APBB2: variants seen among roughly 807,000 people sequenced by gnomAD.
APBB2 encodes Fe65-like 1.
Under a neutral mutation model 82.5 loss-of-function variants are expected in APBB2, and 38 were observed. The ratio of observed to expected loss-of-function variants is 0.46; its 90% CI spans 0.36 to 0.60. The LOEUF is 0.60. APBB2 is among the 20% of genes least tolerant of loss of function. APBB2 has a pLI of 0.00. For synonymous variants in APBB2, 341 were observed against 368.2 expected (o/e 0.93, Z 0.85); for missense variants, 772 against 972.3 (o/e 0.79, Z 2.74).
intron 1 of APBB2, among the ~76,000 whole-genome samples, chr4:41,195,109 C>T: frequency 6.6e-6 from 1 of 152,152 alleles, no homozygotes; most frequent in Non-Finnish European, 1.5e-5. Context: ...TAAGTCTTCT[C>T]CGTCTTCACC....
intron 7 of APBB2, among the ~76,000 whole-genome samples, chr4:40,941,061 A>C (rs1398263878): frequency 1.3e-5 from 2 of 152,136 alleles, no homozygotes; most frequent in Non-Finnish European, 2.9e-5. Context: ...GAAATGTAAA[A>C]TTTTCAAACT....
intron 7 of APBB2, among the ~76,000 whole-genome samples, chr4:40,942,006 G>T (rs912304976): frequency 6.6e-6 from 1 of 152,278 alleles, no homozygotes; most frequent in African/African-American, 2.4e-5. Context: ...ATTTCTCTTA[G>T]TGCCTCTGGT....
rs974062243 is a variant in APBB2, at chr4:41,127,737, T to C, written c.-261+15250A>G. 1.3e-5 allele frequency among the ~76,000 whole-genome samples: 2 copies of C among 152,056 alleles called. No homozygotes were observed. The highest frequency in any genetic ancestry group is 4.8e-5 in the African/African-American group (2 of 41,402). ...GGGTCATGCCTGTAATCCCAGCACT[T>C]TGGGAGGCCGAGGTGGGTGGATTAC... On this transcript the variant is annotated intron_variant, in intron 2 of 17. Coordinates refer to ENST00000508593, the MANE Select transcript of APBB2 (RefSeq NM_004307.2). This position sits in a 1 kb window ranked among gnomAD's most constrained non-coding sequence, Gnocchi z 4.8.
Position 41,055,874 on chromosome 4 carries a change from A to C in APBB2, c.-51+9702T>G, listed in dbSNP as rs140136544. Reference sequence around the variant, plus strand: ...AAGTGCTCAGAACAGTGTCTATGTAAGTGGCTAATAACTTAATGGTAATAA... The same window carrying C: ...AAGTGCTCAGAACAGTGTCTATGTACGTGGCTAATAACTTAATGGTAATAA... On this transcript the variant is annotated intron_variant, in intron 4 of 17. Transcript: ENST00000508593. Among the ~76,000 whole-genome samples the C allele has an allele frequency of 5.3e-4, 80 of 152,360 alleles. 1 individual carries two copies. The highest frequency in any genetic ancestry group is 1.8e-3 in the African/African-American group (73 of 41,582).
At position 40,847,469 on chromosome 4, in the gene APBB2, AAAC is replaced by A. The variant is rs1343134505; in HGVS notation, c.1530-16895_1530-16893del. On this transcript the variant is annotated intron_variant, in intron 12 of 17. Coordinates refer to ENST00000508593, the MANE Select transcript of APBB2 (RefSeq NM_004307.2). ...AGAGCAAGACCGTCTCAAAAAAATAAAACAACACGAAACACCTTGACACCAGAA... is the reference window on the plus strand; with the variant it reads ...AGAGCAAGACCGTCTCAAAAAAATAAAACACGAAACACCTTGACACCAGAA... Among the ~76,000 whole-genome samples the A allele has an allele frequency of 3.3e-5, 5 of 152,320 alleles. No individual in the cohort carries two copies. In the East Asian group the frequency reaches 9.6e-4, roughly 29 times the overall value.
At chr4:41,041,787 A>G (rs1721599298) in intron 4 of APBB2, among the ~76,000 whole-genome samples, 1 of 152,212 alleles carries the variant, frequency 6.6e-6, no homozygotes, top group African/African-American at 2.4e-5. Context: ...AACAAAGAAA[A>G]ATATGCACAG....
chr4:40,881,430 CAA>C, intron 12 of APBB2: 8 of 957,346 alleles, frequency 8.4e-6, no homozygotes, highest in Non-Finnish European at 9.9e-6. Flanking sequence ...GGAAAAAAAA[CAA>C]TGACCAAGAA....
At chr4:41,209,414 C>T (rs752000922) in intron 1 of APBB2, among the ~76,000 whole-genome samples, 14 of 152,246 alleles carry the variant, frequency 9.2e-5, no homozygotes, top group Non-Finnish European at 1.6e-4. Context: ...ACTCCTGCTA[C>T]TGCAGCAGCC....
At chr4:41,060,663 G>A (rs1332160688) in intron 4 of APBB2, among the ~76,000 whole-genome samples, 1 of 152,150 alleles carries the variant, frequency 6.6e-6, no homozygotes, top group Non-Finnish European at 1.5e-5. Flanking sequence ...AGCATCAAGA[G>A]GGAGATTTAA....
intron 10 of APBB2, among the ~76,000 whole-genome samples, chr4:40,901,356 C>T (rs1279410980): frequency 1.3e-5 from 2 of 150,486 alleles, no homozygotes; most frequent in Admixed American, 6.7e-5. Flanking sequence ...CTATGCCAAT[C>T]TAGTTTTGTT....
At chr4:41,008,716 C>T (rs1807485365) in intron 6 of APBB2, among the ~76,000 whole-genome samples, 1 of 152,354 alleles carries the variant, frequency 6.6e-6, no homozygotes, top group East Asian at 1.9e-4. Flanking sequence ...GATGCTCTCG[C>T]TTAATCTTCA....
chr4:41,137,405 T>C (rs192808072), intron 2 of APBB2, among the ~76,000 whole-genome samples: 1 of 152,330 alleles, frequency 6.6e-6, no homozygotes, highest in African/African-American at 2.4e-5. Flanking sequence ...GTCATATATA[T>C]AGTAATCTGG....
Position 40,961,667 on chromosome 4 carries a change from T to TAAAAAAAAAAAAAAAAAAAAAAAAAAAAA in APBB2, c.836-16623_836-16595dup, listed in dbSNP as rs60942744. On this transcript the variant is annotated intron_variant, in intron 6 of 17. Coordinates refer to ENST00000508593, the MANE Select transcript of APBB2 (RefSeq NM_004307.2). ...AATAATGAAAGAAAAAAAAAAGATGTAAAAAAAAAAAAAAAAAAAAAAAAA... is the reference window on the plus strand; with the variant it reads ...AATAATGAAAGAAAAAAAAAAGATGTAAAAAAAAAAAAAAAAAAAAAAAAAAAAAAAAAAAAAAAAAAAAAAAAAAAAAA... Among the ~76,000 whole-genome samples, 17 of 68,248 alleles carry TAAAAAAAAAAAAAAAAAAAAAAAAAAAAA rather than the reference T, an allele frequency of 2.5e-4. 1 individual carries two copies. Among genetic ancestry groups the TAAAAAAAAAAAAAAAAAAAAAAAAAAAAA allele is most frequent in the East Asian group, 5.4e-4 (1 of 1,864 alleles). 44.8% of individuals were successfully genotyped at this position (68,248 alleles called of 152,430 possible). A position where few individuals can be genotyped will look rare whatever the true frequency, so the allele number is the denominator to read the frequency against.
intron 3 of APBB2, among the ~76,000 whole-genome samples, chr4:41,087,178 A>C (rs1214106935): frequency 2.6e-5 from 4 of 152,202 alleles, no homozygotes; most frequent in Non-Finnish European, 5.9e-5. Context: ...CATAAAAATG[A>C]ATGGAAAGAC....
At chr4:41,149,159 C>G (rs557720865) in intron 1 of APBB2, among the ~76,000 whole-genome samples, 1 of 152,214 alleles carries the variant, frequency 6.6e-6, no homozygotes, top group East Asian at 1.9e-4. Flanking sequence ...CACTCCCCAA[C>G]ACTTTTTTTT....
At chr4:40,851,416 A>T (rs926285803) in intron 12 of APBB2, among the ~76,000 whole-genome samples, 12 of 152,162 alleles carry the variant, frequency 7.9e-5, no homozygotes, top group African/African-American at 2.9e-4. Flanking sequence ...ACAGTGTTTT[A>T]AAAGGGAGGG....
intron 12 of APBB2, among the ~76,000 whole-genome samples, chr4:40,831,491 C>A (rs930707578): frequency 6.6e-6 from 1 of 152,120 alleles, no homozygotes; most frequent in Non-Finnish European, 1.5e-5. Flanking sequence ...CTGAATTTCA[C>A]AGAACCCTTC....
chr4:40,823,601 C>G (rs149709080), intron 16 of APBB2, 43 bp downstream of exon 16: 92 of 1,336,354 alleles, frequency 6.9e-5, no homozygotes, highest in Non-Finnish European at 9.1e-5. Context: ...ATCTTATACT[C>G]ACTGTATAAG....
At chr4:41,160,038 A>ACG (rs1764727685) in intron 1 of APBB2, among the ~76,000 whole-genome samples, 1 of 123,136 alleles carries the variant, frequency 8.1e-6, no homozygotes, top group African/African-American at 3.5e-5. Context: ...AGAAGAAGAA[A>ACG]ACATCACAGG....
Sources: allele counts gnomAD v4.1 joint callset (sites outside exome capture counted in the v4.1 genomes callset), GRCh38; gene constraint gnomAD v4.1.1; non-coding constraint Gnocchi (gnomAD v3.1); transcripts MANE v1.5; gene names NCBI Gene and HGNC (gene_info 2026-07-23, HGNC 2026-07-21).